The following WDR12 variants were observed in gnomAD, a reference collection of about 807,000 sequenced individuals.
WDR12 encodes ribosome biogenesis protein WDR12.
A neutral mutation model predicts 64.3 loss-of-function variants in WDR12; 42 were observed. The ratio of observed to expected loss-of-function variants is 0.65; its 90% confidence interval spans 0.51 to 0.84. The LOEUF (loss-of-function observed/expected upper bound fraction) is 0.84, where lower values mean the gene tolerates loss of function less well. Among genes scored for constraint, WDR12 ranks in the 40% least tolerant of loss-of-function variants. The probability of loss-of-function intolerance (pLI) is 0.00; values close to 1 mark genes in which losing one functional copy is unlikely to be tolerated. For synonymous variants in WDR12, 158 were observed against 173.3 expected (o/e 0.91, Z 0.70); for missense variants, 469 against 494.6 (o/e 0.95, Z 0.49).
At chr2:202,900,175 C>T (rs867399033) in intron 3 of WDR12, among the ~76,000 whole-genome samples, 6 of 151,698 alleles carry the variant, frequency 4.0e-5, no homozygotes, top group Admixed American at 1.3e-4. Flanking sequence ...ACTGAAGATA[C>T]AAAAATTAGC....
chr2:202,897,221 A>C (rs755076823), intron 5 of WDR12, 79 bp downstream of exon 5: 91 of 956,506 alleles, frequency 9.5e-5, no homozygotes, highest in Admixed American at 2.4e-4. Context: ...CCCACTCCCC[A>C]TTCTTCCCCA....
At chr2:202,889,911 C>T (rs868103638) in intron 8 of WDR12, among the ~76,000 whole-genome samples, 5 of 150,642 alleles carry the variant, frequency 3.3e-5, no homozygotes, top group African/African-American at 1.2e-4. Context: ...GGGAAAGAAA[C>T]GTCCATCAAA....
intron 1 of WDR12, among the ~76,000 whole-genome samples, chr2:202,910,203 A>T (rs1275338648): frequency 6.6e-6 from 1 of 152,144 alleles, no homozygotes; most frequent in Non-Finnish European, 1.5e-5. Flanking sequence ...GTGGCCTATT[A>T]TCTCTTACAA....
intron 3 of WDR12, 26 bp downstream of exon 3, chr2:202,900,999 T>C (rs1220744501): frequency 6.5e-7 from 1 of 1,540,044 alleles, no homozygotes; most frequent in Non-Finnish European, 8.9e-7. Context: ...TCAAGTGAAA[T>C]ACAGAAGATA....
At position 202,895,777 on chromosome 2, in the gene WDR12, G is replaced by A. The variant is rs185526127; in HGVS notation, c.609+288C>T. On this transcript the variant is annotated intron_variant, in intron 6 of 12. Coordinates refer to ENST00000261015, the MANE Select transcript of WDR12 (RefSeq NM_018256.4). ...ACTCCTGACCTCAGGTGATCTGCCC[G>A]CCTCGGCCTCCCAAAGTGCTGGGAT... 2.8e-4 allele frequency among the ~76,000 whole-genome samples: 41 copies of A among 148,586 alleles called. No individual in the cohort carries two copies. In the East Asian group the frequency reaches 4.6e-3, roughly 17 times the overall value.
intron 8 of WDR12, 115 bp from the exon 9 acceptor site, chr2:202,884,650 A>C (rs1688016585): frequency 9.6e-7 from 1 of 1,046,568 alleles, no homozygotes; most frequent in Admixed American, 4.0e-5. Context: ...CCCATCTTTC[A>C]TATCCTGACT....
intron 8 of WDR12, among the ~76,000 whole-genome samples, chr2:202,886,638 A>T (rs937989475): frequency 6.6e-6 from 1 of 151,782 alleles, no homozygotes; most frequent in Non-Finnish European, 1.5e-5. Context: ...GTGGTGGTGC[A>T]TGCCTGTCAT....
chr2:202,887,230 G>A (rs1233905603), intron 8 of WDR12, among the ~76,000 whole-genome samples: 2 of 152,084 alleles, frequency 1.3e-5, no homozygotes, highest in Non-Finnish European at 2.9e-5. Flanking sequence ...TCACCATGTT[G>A]GTCAGGCTGG....
rs1482677744 is a variant in WDR12 at position 202,879,259 on chromosome 2, G to A, written c.*1601C>T. 1.3e-5 allele frequency: 2 copies of A among 152,094 alleles called. No homozygotes were observed. Among genetic ancestry groups the A allele is most frequent in the Non-Finnish European group, 2.9e-5 (2 of 68,112 alleles). 9.4% of individuals were successfully genotyped at this position (152,094 alleles called of 1,614,324 possible). A position where few individuals can be genotyped will look rare whatever the true frequency, so the allele number is the denominator to read the frequency against. ...TTGCCCAGGCTGGTTTCGAACTCCT[G>A]AGCTCAGGCAATCCGCCCGCCTCAG... On this transcript the variant is annotated 3_prime_UTR_variant, in exon 13 of 13. Transcript: ENST00000261015.
intron 2 of WDR12, among the ~76,000 whole-genome samples, chr2:202,907,215 G>A (rs1312778129): frequency 2.0e-5 from 3 of 152,026 alleles, no homozygotes; most frequent in Admixed American, 2.0e-4. Context: ...CCAAAGTGCT[G>A]GGATTACAAA....
At chr2:202,890,143 A>C (rs901315112) in intron 8 of WDR12, among the ~76,000 whole-genome samples, 6 of 151,230 alleles carry the variant, frequency 4.0e-5, no homozygotes, top group Non-Finnish European at 8.8e-5. Flanking sequence ...TGGGAAGATC[A>C]CCTCAGTCTG....
In WDR12 at chr2:202,911,503, C is replaced by A. The variant is rs768788201; in HGVS notation, c.-27G>T. ...GCGAGGAGTACACACGACTTGCCCA[C>A]GGAAACGTACGGGTTAGCAGACCCA... is the stretch of plus-strand genomic sequence containing the variant. On this transcript the variant is annotated 5_prime_UTR_variant, in exon 1 of 13. Transcript: ENST00000261015. 1 of 1,612,038 alleles carries A rather than the reference C, an allele frequency of 6.2e-7. No individual in the cohort carries two copies. Among genetic ancestry groups the A allele is most frequent in the Admixed American group, 1.7e-5 (1 of 60,022 alleles).
In WDR12 at chr2:202,911,419, C is replaced by T. The variant is rs374301893; in HGVS notation, c.41+17G>A. 6.2e-7 allele frequency: 1 copy of T among 1,613,822 alleles called. No homozygotes were observed. Among genetic ancestry groups the T allele is most frequent in the Non-Finnish European group, 8.5e-7 (1 of 1,179,730 alleles). On this transcript the variant is annotated intron_variant, in intron 1 of 12. Coordinates refer to ENST00000261015, the MANE Select transcript of WDR12 (RefSeq NM_018256.4). ...AGGAACCTGGGGAAGGGAGAGAAGG[C>T]TGGAACGCTTACTTACTTCTTGTTA... is the stretch of plus-strand genomic sequence containing the variant.
At chr2:202,897,773 C>T (rs1688273661) in intron 4 of WDR12, among the ~76,000 whole-genome samples, 1 of 148,140 alleles carries the variant, frequency 6.8e-6, no homozygotes, top group Non-Finnish European at 1.5e-5. Context: ...CCTGTAGTCT[C>T]AGCTACTCAG....
intron 8 of WDR12, among the ~76,000 whole-genome samples, chr2:202,891,494 G>A (rs1029555907): frequency 1.3e-5 from 2 of 152,200 alleles, no homozygotes. Context: ...AAGAAGTTGA[G>A]TAAGTGCCAG....
chr2:202,888,911 T>C (rs1306457658), intron 8 of WDR12, among the ~76,000 whole-genome samples: 1 of 152,106 alleles, frequency 6.6e-6, no homozygotes, highest in Non-Finnish European at 1.5e-5. Context: ...GGTCTTGCTA[T>C]GTTGCCCAGG....
chr2:202,895,810 G>A (rs929709832), intron 6 of WDR12, among the ~76,000 whole-genome samples: 14 of 151,604 alleles, frequency 9.2e-5, no homozygotes, highest in Admixed American at 7.2e-4. Flanking sequence ...GATTACAGGC[G>A]TGAGCCACCG....
intron 1 of WDR12, among the ~76,000 whole-genome samples, chr2:202,910,542 A>C (rs960629135): frequency 6.6e-6 from 1 of 151,638 alleles, no homozygotes; most frequent in Non-Finnish European, 1.5e-5. Flanking sequence ...CAAACCAAAC[A>C]AACAAAAAAA....
At position 202,884,322 on chromosome 2, in the gene WDR12, G is replaced by A. The variant is rs779827655; in HGVS notation, c.883-19C>T. The A allele has an allele frequency of 6.2e-7, 1 of 1,613,710 alleles. No individual in the cohort carries two copies. The highest frequency in any genetic ancestry group is 1.1e-5 in the South Asian group (1 of 91,000). ...TTCCTGTCTGAAAAAGAAAAGGAAA[G>A]AACATTAACCATGGTAGACTAAAAA... On this transcript the variant is annotated intron_variant, in intron 9 of 12. Coordinates refer to ENST00000261015, the MANE Select transcript of WDR12 (RefSeq NM_018256.4).
Sources: allele counts gnomAD v4.1 joint callset (sites outside exome capture counted in the v4.1 genomes callset), GRCh38; gene constraint gnomAD v4.1.1; transcripts MANE v1.5; gene names NCBI Gene and HGNC (gene_info 2026-07-23, HGNC 2026-07-21).